The following CCDC178 variants were observed in gnomAD, a reference collection of about 807,000 sequenced individuals.
CCDC178 encodes the protein coiled-coil domain containing 178, also known as coiled-coil domain-containing protein 178.
A neutral mutation model predicts 117.4 loss-of-function variants in CCDC178; 126 were observed. The ratio of observed to expected loss-of-function variants is 1.07; its 90% CI spans 0.93 to 1.24. The LOEUF is 1.24. Among genes scored for constraint, CCDC178 ranks in the 50% most tolerant of loss-of-function variants. The pLI, the probability that CCDC178 is intolerant of heterozygous loss-of-function variation, is 0.00. For synonymous variants in CCDC178, 283 were observed against 313.4 expected (o/e 0.90, Z 1.02); for missense variants, 1,030 against 986.9 (o/e 1.04, Z -0.59).
At chr18:32,948,268 A>T (rs2054400539) in intron 22 of CCDC178, among the ~76,000 whole-genome samples, 1 of 152,110 alleles carries the variant, frequency 6.6e-6, no homozygotes, top group South Asian at 2.1e-4. Flanking sequence ...GATTGTGTTG[A>T]ATCTTTAGAT....
chr18:33,166,811 T>C (rs1175702530), intron 20 of CCDC178, among the ~76,000 whole-genome samples: 1 of 152,288 alleles, frequency 6.6e-6, no homozygotes, highest in Non-Finnish European at 1.5e-5. Context: ...CAGAGATACA[T>C]GTGCAGGTTT....
intron 10 of CCDC178, among the ~76,000 whole-genome samples, chr18:33,330,061 T>C (rs1308179843): frequency 6.6e-6 from 1 of 151,804 alleles, no homozygotes; most frequent in Non-Finnish European, 1.5e-5. Context: ...TTCCATTTTA[T>C]CTAGGTTATC....
chr18:33,362,277 A>G (rs796793614), intron 6 of CCDC178, among the ~76,000 whole-genome samples: 10 of 151,808 alleles, frequency 6.6e-5, no homozygotes, highest in African/African-American at 2.2e-4. Flanking sequence ...GGAAGACATT[A>G]TACTAAAGGA....
chr18:33,100,348 T>C (rs961615835), intron 20 of CCDC178, among the ~76,000 whole-genome samples: 4 of 149,158 alleles, frequency 2.7e-5, no homozygotes, highest in African/African-American at 1.0e-4. Flanking sequence ...TTGTTCCCTA[T>C]TACTATTTTT....
intron 14 of CCDC178, among the ~76,000 whole-genome samples, chr18:33,245,646 G>C (rs113531909): frequency 2.0e-5 from 3 of 151,932 alleles, no homozygotes; most frequent in African/African-American, 7.2e-5. Context: ...TCCAATTTCA[G>C]AAGCATAAGA....
At chr18:33,295,851 C>T (rs1193111462) in intron 11 of CCDC178, among the ~76,000 whole-genome samples, 1 of 152,060 alleles carries the variant, frequency 6.6e-6, no homozygotes, top group Non-Finnish European at 1.5e-5. Flanking sequence ...TGGTACAAGC[C>T]GTTCTGGAAG....
intron 21 of CCDC178, among the ~76,000 whole-genome samples, chr18:33,001,317 A>T (rs2055627531): frequency 6.6e-6 from 1 of 152,120 alleles, no homozygotes; most frequent in Non-Finnish European, 1.5e-5. Flanking sequence ...CAGGAGATTG[A>T]GACAATCCTA....
chr18:33,099,705 T>C (rs1420331527), intron 20 of CCDC178, among the ~76,000 whole-genome samples: 1 of 151,950 alleles, frequency 6.6e-6, no homozygotes, highest in African/African-American at 2.4e-5. Context: ...TATACACCAA[T>C]TACTACAGAA....
chr18:33,273,945 T>C (rs1290789402), intron 12 of CCDC178, among the ~76,000 whole-genome samples: 1 of 151,710 alleles, frequency 6.6e-6, no homozygotes, highest in Non-Finnish European at 1.5e-5. Flanking sequence ...AACAAGAAAG[T>C]GAAAAGACAT....
At chr18:33,369,986 T>C (rs2063273978) in intron 6 of CCDC178, 64 bp downstream of exon 6, 1 of 1,346,834 alleles carries the variant, frequency 7.4e-7, no homozygotes, top group Non-Finnish European at 9.9e-7. Flanking sequence ...GTTCTTTAAA[T>C]AACCAATCCT....
At chr18:32,970,690 A>G (rs762008583) in intron 22 of CCDC178, among the ~76,000 whole-genome samples, 2 of 152,078 alleles carry the variant, frequency 1.3e-5, no homozygotes, top group Non-Finnish European at 2.9e-5. Context: ...CAAGATAGAC[A>G]TAGGGTATTA....
intron 20 of CCDC178, among the ~76,000 whole-genome samples, chr18:33,168,873 G>C (rs936097088): frequency 6.6e-6 from 1 of 152,112 alleles, no homozygotes; most frequent in Non-Finnish European, 1.5e-5. Flanking sequence ...CAGTTAAAAA[G>C]TTTTGCTTAC....
intron 21 of CCDC178, among the ~76,000 whole-genome samples, chr18:33,023,976 T>C (rs2056173840): frequency 6.6e-6 from 1 of 152,162 alleles, no homozygotes; most frequent in Non-Finnish European, 1.5e-5. Flanking sequence ...ATTCTGTAAA[T>C]ATAACTTTGG....
chr18:33,039,853 C>A (rs192568129), intron 21 of CCDC178, among the ~76,000 whole-genome samples: 1 of 151,990 alleles, frequency 6.6e-6, no homozygotes, highest in Admixed American at 6.6e-5. Context: ...AAGGAAGAAA[C>A]TAGATTAAGA....
intron 21 of CCDC178, among the ~76,000 whole-genome samples, chr18:32,976,008 CAT>C (rs2144699132): frequency 6.6e-6 from 1 of 152,140 alleles, no homozygotes; most frequent in Admixed American, 6.5e-5. Context: ...ATAAATAACA[CAT>C]ATGTATTTGT....
In CCDC178 at chr18:33,347,571, T is replaced by G. The variant is rs185754493; in HGVS notation, c.458-1160A>C. 1.1e-3 allele frequency among the ~76,000 whole-genome samples: 169 copies of G among 152,288 alleles called. 4 individuals carry two copies. Among genetic ancestry groups the G allele is most frequent in the Non-Finnish European group, 7.4e-4 (50 of 67,964 alleles). On this transcript the variant is annotated intron_variant, in intron 8 of 22. Transcript: ENST00000383096. ...TCAAATTCTACCACATCTTGGATAC[T>G]TTAAAATTAATTGTCTTTTTTAAAT...
At chr18:33,250,867 T>C (rs148888170) in intron 14 of CCDC178, among the ~76,000 whole-genome samples, 1 of 151,590 alleles carries the variant, frequency 6.6e-6, no homozygotes, top group African/African-American at 2.4e-5. Flanking sequence ...AATTGTGAAA[T>C]TTCAGAACTC....
At chr18:33,278,591 T>C (rs1280518456) in intron 12 of CCDC178, among the ~76,000 whole-genome samples, 2 of 152,038 alleles carry the variant, frequency 1.3e-5, no homozygotes, top group African/African-American at 4.8e-5. Flanking sequence ...TTCTATCATA[T>C]ACAAAACAAA....
intron 12 of CCDC178, among the ~76,000 whole-genome samples, chr18:33,268,671 TA>T (rs1258615243): frequency 2.0e-5 from 3 of 151,666 alleles, no homozygotes; most frequent in Non-Finnish European, 2.9e-5. Flanking sequence ...AAATGTAAAT[TA>T]AATAAGACGA....
Sources: gnomAD v4.1 joint callset for allele counts (sites outside exome capture counted in the v4.1 genomes callset) on GRCh38, gnomAD v4.1.1 for gene constraint, MANE v1.5 for transcripts, NCBI Gene and HGNC (gene_info 2026-07-23, HGNC 2026-07-21) for gene names.